COL11A1: variants seen among roughly 807,000 people sequenced by gnomAD.
COL11A1 encodes collagen type XI alpha 1 chain, also known as collagen alpha-1(XI) chain.
In COL11A1, 74 loss-of-function variants were observed where a neutral mutation model predicts 265.2. The observed-to-expected ratio is 0.28, with a 90% confidence interval of 0.23 to 0.34. COL11A1 has a LOEUF of 0.34. COL11A1 is among the 10% of genes least tolerant of loss of function. The pLI is 1.00. For missense variants in COL11A1, 2,165 were observed against 2,263.6 expected, an observed-to-expected ratio of 0.96 and a Z score of 0.88; for synonymous variants, 816 against 727.6, an observed-to-expected ratio of 1.12 and a Z score of -1.96.
At chr1:103,078,558 T>C in intron 3 of COL11A1, 100 bp downstream of exon 3, 1 of 1,116,736 alleles carries the variant, frequency 9.0e-7, no homozygotes, top group Non-Finnish European at 1.3e-6. Flanking sequence ...ATCACCAGCC[T>C]CTAGAAAAAC....
chr1:102,904,809 C>T lies in COL11A1; in HGVS notation c.4087-5815G>A, dbSNP rs1432164918. ...AAACTAGTTCAACCATTGTGGAAGT[C>T]GGTGTGGCAATTCCTCAGGGATCTA... On this transcript the variant is annotated intron_variant, in intron 54 of 66. Coordinates refer to ENST00000370096, the MANE Select transcript of COL11A1 (RefSeq NM_001854.4). Among the ~76,000 whole-genome samples the T allele has an allele frequency of 1.4e-4, 21 of 151,752 alleles. No individual in the cohort carries two copies. In the East Asian group the frequency reaches 2.5e-3, roughly 18 times the overall value.
Position 102,989,565 on chromosome 1 carries a change from C to T in COL11A1, c.2347G>A (p.Asp783Asn), listed in dbSNP as rs1663919483. 1 of 1,609,866 alleles carries T rather than the reference C, an allele frequency of 6.2e-7. No individual in the cohort carries two copies. The highest frequency in any genetic ancestry group is 2.2e-5 in the East Asian group (1 of 44,746). Residue 783 changes from aspartate (D) to asparagine (N), a missense_variant, in exon 29 of 67, where the codon GAT becomes AAT. Physicochemically the swap from Asp to Asn is conservative, Grantham distance 23 (BLOSUM62 1). Transcript: ENST00000370096. ...TCACCTTTGAATCCTGGAAAACCAT[C>T]TTCACCCTAAAACATTATAAAAGGA... ...LKGSKGEKGE[D>N]GFPGFKGDMG...
intron 46 of COL11A1, among the ~76,000 whole-genome samples, chr1:102,924,922 C>T (rs899462264): frequency 6.6e-6 from 1 of 151,582 alleles, no homozygotes; most frequent in South Asian, 2.1e-4. Context: ...ACATAGTAAT[C>T]GTTTCTAATA....
chr1:102,940,420 G>A lies in COL11A1; in HGVS notation c.3291C>T (p.Pro1097=), dbSNP rs774934190. The A allele has an allele frequency of 1.2e-6, 2 of 1,613,584 alleles. No individual in the cohort carries two copies. Among genetic ancestry groups the A allele is most frequent in the South Asian group, 1.1e-5 (1 of 91,056 alleles). ...GEKGAPGEKG[P]QGPAGRDGVQ... is the part of the protein sequence containing the mutation. ...CTCCATCTCTCCCTGCAGGCCCTTG[G>A]GGACCTTTTTCTCCCTGTATTGAAT... Residue 1097 remains proline, a synonymous_variant, in exon 43 of 67, where the codon CCC becomes CCT. Transcript: ENST00000370096.
intron 4 of COL11A1, among the ~76,000 whole-genome samples, chr1:103,054,477 A>G (rs1670071766): frequency 6.6e-6 from 1 of 152,030 alleles, no homozygotes; most frequent in Non-Finnish European, 1.5e-5. Flanking sequence ...TAAACTATAA[A>G]CCTGAGTCTT....
Position 103,021,851 on chromosome 1 carries a change from T to G in COL11A1, c.1246-82A>C. 9 of 1,085,520 alleles carry G rather than the reference T, an allele frequency of 8.3e-6. No homozygotes were observed. The East Asian group carries it at 1.7e-4, about 20-fold the overall frequency. 67.2% of individuals were successfully genotyped at this position (1,085,520 alleles called of 1,614,324 possible). ...CTTTCTTTTCTTCTTTTTTTTTTTCTTTCTTTCTTTTTTGAAGACGGAGTC... is the reference window on the plus strand; with the variant it reads ...CTTTCTTTTCTTCTTTTTTTTTTTCGTTCTTTCTTTTTTGAAGACGGAGTC... On this transcript the variant is annotated intron_variant, in intron 8 of 66. Coordinates refer to ENST00000370096, the MANE Select transcript of COL11A1 (RefSeq NM_001854.4).
chr1:103,009,981 G>A (rs939605580), intron 14 of COL11A1, among the ~76,000 whole-genome samples: 4 of 151,906 alleles, frequency 2.6e-5, no homozygotes, highest in South Asian at 2.1e-4. Flanking sequence ...TTAATTAATC[G>A]ACTGTATTAC....
chr1:103,079,241 C>T (rs986080241), intron 2 of COL11A1, among the ~76,000 whole-genome samples: 7 of 152,070 alleles, frequency 4.6e-5, no homozygotes, highest in Non-Finnish European at 1.0e-4. Context: ...TTGTCTAGTC[C>T]GTAGCCATAC....
chr1:103,011,575 C>G (rs1008509579), intron 14 of COL11A1, among the ~76,000 whole-genome samples: 3 of 151,850 alleles, frequency 2.0e-5, no homozygotes, highest in Non-Finnish European at 4.4e-5. Context: ...GTAAAACAGA[C>G]TAAATAATTA....
rs1365801787 is a variant in COL11A1 at position 102,998,371 on chromosome 1, A to AG, written c.2143-9dup. On this transcript the variant is annotated splice_polypyrimidine_tract_variant and intron_variant, in intron 24 of 66. Coordinates refer to ENST00000370096, the MANE Select transcript of COL11A1 (RefSeq NM_001854.4). ...TGGTTTTCCTTGTGGTCCCTTATAG[A>AG]GAAAAAAAAAATATTAAAAAGATAA... 5.1e-6 allele frequency: 8 copies of AG among 1,557,522 alleles called. No individual in the cohort carries two copies. The highest frequency in any genetic ancestry group is 4.6e-4 in the Middle Eastern group (2 of 4,324).
chr1:102,962,761 C>T lies in COL11A1; in HGVS notation c.2917-1G>A. On this transcript the variant is annotated splice_acceptor_variant, in intron 38 of 66. Coordinates refer to ENST00000370096, the MANE Select transcript of COL11A1 (RefSeq NM_001854.4). LOFTEE classifies it high-confidence loss of function. ...TTGGACCAGTCTCACCGGTTGGTCC[C>T]TAAATTAGATAAGCAAAATCACTTT... The T allele has an allele frequency of 1.9e-6, 3 of 1,613,726 alleles. No individual in the cohort carries two copies. The highest frequency in any genetic ancestry group is 2.2e-5 in the East Asian group (1 of 44,850).
rs568566146 is a variant in COL11A1 at position 103,058,565 on chromosome 1, C to T, written c.651+16053G>A. Among the ~76,000 whole-genome samples, 3 of 152,310 alleles carry T rather than the reference C, an allele frequency of 2.0e-5. No individual in the cohort carries two copies. The East Asian group carries it at 5.8e-4, about 29-fold the overall frequency. ...CTTAATCATTTCTAGCTTTTGATCT[C>T]AAGTGACTCTTGAACACTTGAACCT... On this transcript the variant is annotated intron_variant, in intron 4 of 66. Coordinates refer to ENST00000370096, the MANE Select transcript of COL11A1 (RefSeq NM_001854.4).
At chr1:103,098,776 AG>A (rs1419604997) in intron 1 of COL11A1, among the ~76,000 whole-genome samples, 1 of 151,860 alleles carries the variant, frequency 6.6e-6, no homozygotes, top group Non-Finnish European at 1.5e-5. Context: ...CAATGCTTGA[AG>A]AAAGTTATTT....
intron 43 of COL11A1, among the ~76,000 whole-genome samples, chr1:102,940,098 T>A (rs190561470): frequency 6.6e-6 from 1 of 152,342 alleles, no homozygotes; most frequent in Admixed American, 6.5e-5. Context: ...TCACTACCAC[T>A]GTTCTTTTAA....
chr1:103,048,313 C>T (rs1455163424), intron 4 of COL11A1, among the ~76,000 whole-genome samples: 1 of 152,140 alleles, frequency 6.6e-6, no homozygotes, highest in African/African-American at 2.4e-5. Flanking sequence ...GATTCAACTT[C>T]TTCCTGGTTT....
intron 29 of COL11A1, among the ~76,000 whole-genome samples, chr1:102,988,648 A>T (rs1663820457): frequency 6.6e-6 from 1 of 152,146 alleles, no homozygotes; most frequent in Non-Finnish European, 1.5e-5. Flanking sequence ...ATATTTAATA[A>T]ACAACTGAAT....
intron 4 of COL11A1, among the ~76,000 whole-genome samples, chr1:103,036,453 T>A (rs1399940550): frequency 6.7e-6 from 1 of 149,368 alleles, no homozygotes; most frequent in Non-Finnish European, 1.5e-5. Flanking sequence ...TATTTTTAAA[T>A]AATGCTGGTT....
At chr1:102,878,459 G>A (rs1467524104) in intron 66 of COL11A1, among the ~76,000 whole-genome samples, 22 of 70,946 alleles carry the variant, frequency 3.1e-4, no homozygotes, top group African/African-American at 9.0e-4. Flanking sequence ...GAAAATTGAT[G>A]TTGGTATTGA....
chr1:102,935,862 T>A (rs573685142), intron 44 of COL11A1, among the ~76,000 whole-genome samples: 1 of 152,176 alleles, frequency 6.6e-6, no homozygotes, highest in Non-Finnish European at 1.5e-5. Context: ...GTTCTTGATA[T>A]GCTTTTAGGA....
Sources: allele counts gnomAD v4.1 joint callset (sites outside exome capture counted in the v4.1 genomes callset), GRCh38; gene constraint gnomAD v4.1.1; transcripts MANE v1.5; gene names NCBI Gene and HGNC (gene_info 2026-07-23, HGNC 2026-07-21).